Variants in SARDH observed in about 807,000 individuals in gnomAD.
SARDH encodes sarcosine dehydrogenase, also known as sarcosine dehydrogenase, mitochondrial.
SARDH carries 95 observed loss-of-function variants against 109.1 expected under a neutral mutation model. The ratio of observed to expected loss-of-function variants is 0.87; its 90% CI spans 0.74 to 1.03. The LOEUF (loss-of-function observed/expected upper bound fraction) is 1.03, where lower values mean the gene tolerates loss of function less well. Among genes scored for constraint, SARDH ranks in the 50% least tolerant of loss-of-function variants. SARDH has a pLI of 0.00. For synonymous variants in SARDH, 572 were observed against 534.8 expected (o/e 1.07, Z -0.96); for missense variants, 1,267 against 1,287.8 (o/e 0.98, Z 0.25).
chr9:133,703,078 G>C, intron 12 of SARDH, 49 bp from the exon 13 acceptor site: 1 of 1,509,808 alleles, frequency 6.6e-7, no homozygotes, highest in Non-Finnish European at 9.1e-7. Flanking sequence ...GCCCCTCCCC[G>C]CTTCCCTCCC....
At position 133,675,382 on chromosome 9, in the gene SARDH, C is replaced by T. The variant is rs9409881; in HGVS notation, c.2164-3685G>A. 4.0e-3 allele frequency among the ~76,000 whole-genome samples: 601 copies of T among 151,724 alleles called. 2 individuals carry two copies. Among genetic ancestry groups the T allele is most frequent in the Middle Eastern group, 6.8e-3 (2 of 292 alleles). On this transcript the variant is annotated intron_variant, in intron 17 of 20. Coordinates refer to ENST00000439388, the MANE Select transcript of SARDH (RefSeq NM_001134707.2). The stretch of plus-strand genomic sequence containing the variant: ...AAAAAAATAGGCAAGGGACTTGAAT[C>T]GACAATTCTCAAAAGCAAATGCAAA...
rs746618437 is a variant in SARDH, at chr9:133,685,219, T to A, written c.2137A>T (p.Lys713Ter). 6.2e-7 allele frequency: 1 copy of A among 1,613,836 alleles called. No individual in the cohort carries two copies. Among genetic ancestry groups the A allele is most frequent in the East Asian group, 2.2e-5 (1 of 44,862 alleles). ...AGGTGCCCTGCGGCTCTCAGTAGCT[T>A]GTGGGTGGAGAACGGGAAGGCCTCG... ...SNEAFPFSTHKLLRAAGHLVR... is the reference protein window; with the variant it reads ...SNEAFPFSTH Residue 713 changes from lysine to a stop codon, truncating the protein, a stop_gained, in exon 17 of 21, where the codon AAG (lysine) becomes TAG (stop). Transcript: ENST00000439388. LOFTEE classifies it high-confidence loss of function.
Position 133,694,369 on chromosome 9 carries a change from A to G in SARDH, c.1810T>C (p.Ser604Pro), listed in dbSNP as rs1831210453. Residue 604 changes from serine (S) to proline (P), a missense_variant and splice_region_variant, in exon 15 of 21, where the codon TCC (serine) becomes CCC (proline). Transcript: ENST00000439388. ...TTGAGCATGCACGTGTACACGGTGG[A>G]GCCTGCGAGAGGGAGAAGGAAGCCG... The part of the protein sequence containing the change: ...FSADVSRPPG[S>P]TVYTCMLNHR... The G allele has an allele frequency of 6.5e-7, 1 of 1,550,054 alleles. No individual in the cohort carries two copies. The highest frequency in any genetic ancestry group is 8.7e-7 in the Non-Finnish European group (1 of 1,146,446).
intron 17 of SARDH, among the ~76,000 whole-genome samples, chr9:133,678,078 C>T (rs185637226): frequency 8.7e-4 from 132 of 152,318 alleles, no homozygotes; most frequent in Non-Finnish European, 1.7e-3. Flanking sequence ...CCATTGGTCC[C>T]CAAGGATGAG....
chr9:133,676,046 G>A (rs185549988), intron 17 of SARDH, among the ~76,000 whole-genome samples: 60 of 151,924 alleles, frequency 3.9e-4, no homozygotes, highest in Non-Finnish European at 7.5e-4. Context: ...AGCTGAGATC[G>A]CACCGCTGCA....
intron 19 of SARDH, among the ~76,000 whole-genome samples, chr9:133,668,398 T>A (rs1359469888): frequency 3.2e-4 from 14 of 43,288 alleles, no homozygotes; most frequent in Admixed American, 3.2e-3. Flanking sequence ...CCTCTCCCTC[T>A]CCCTTCACCC....
At chr9:133,725,081 C>A (rs1037281455) in intron 6 of SARDH, among the ~76,000 whole-genome samples, 1 of 152,078 alleles carries the variant, frequency 6.6e-6, no homozygotes, top group Non-Finnish European at 1.5e-5. Context: ...AATACTGATA[C>A]ATGTACTACA....
chr9:133,667,674 A>T (rs1299384524), intron 19 of SARDH, among the ~76,000 whole-genome samples: 1 of 152,056 alleles, frequency 6.6e-6, no homozygotes, highest in Non-Finnish European at 1.5e-5. Context: ...GCAATGGGTT[A>T]TCACGGCGGC....
chr9:133,670,673 C>T lies in SARDH; in HGVS notation c.2406G>A (p.Lys802=), dbSNP rs747606989. ...EAGLAFTCKL[K]SPVPFLGREA... ...CCCTCCCCAGGAAGGGCACCGGCGA[C>T]TTGAGCTTGCAGGTGAAGGCCAGGC... is the stretch of plus-strand genomic sequence containing the variant. Residue 802 remains lysine (K), a synonymous_variant, in exon 19 of 21, where the codon AAG becomes AAA. Transcript: ENST00000439388. 2 of 1,606,592 alleles carry T rather than the reference C, an allele frequency of 1.2e-6. No homozygotes were observed. The highest frequency in any genetic ancestry group is 2.2e-5 in the South Asian group (2 of 89,684).
intron 8 of SARDH, 102 bp from the exon 9 acceptor site, chr9:133,713,226 C>T: frequency 3.1e-6 from 3 of 963,796 alleles, no homozygotes; most frequent in Non-Finnish European, 1.6e-6. Flanking sequence ...CTGCAGGGGC[C>T]CCTCCACCCA....
intron 2 of SARDH, 141 bp downstream of exon 2, chr9:133,733,702 G>T: frequency 1.3e-6 from 1 of 771,374 alleles, no homozygotes; most frequent in Non-Finnish European, 1.8e-6. Flanking sequence ...CCGCCCACCT[G>T]CAAACTGGCC....
rs1275391292 is a variant in SARDH at position 133,692,216 on chromosome 9, C to T, written c.1922-1689G>A. Among the ~76,000 whole-genome samples the T allele has an allele frequency of 6.6e-6, 1 of 152,130 alleles. No homozygotes were observed. The highest frequency in any genetic ancestry group is 1.5e-5 in the Non-Finnish European group (1 of 68,004). On this transcript the variant is annotated intron_variant, in intron 15 of 20. Coordinates refer to ENST00000439388, the MANE Select transcript of SARDH (RefSeq NM_001134707.2). The surrounding 1 kb of genome is among the most constrained non-coding windows in gnomAD (Gnocchi z 5.0). ...ATTCCACCAATGGGGGAAACTGAGG[C>T]TCGGGGGGGCAGGTCGCTGAGCCAG...
rs542620164 is a variant in SARDH, at chr9:133,730,317, C to T, written c.691-130G>A. Reference sequence around the variant, plus strand: ...ATTTCTGCCAGCAGCAGGTCCCCTGCGACACTGTCAGGGAAACCGGATGAC... The same window carrying T: ...ATTTCTGCCAGCAGCAGGTCCCCTGTGACACTGTCAGGGAAACCGGATGAC... On this transcript the variant is annotated intron_variant, in intron 4 of 20. Transcript: ENST00000439388. 2.8e-5 allele frequency: 34 copies of T among 1,235,044 alleles called. No homozygotes were observed. In the Middle Eastern group the frequency reaches 5.9e-4, roughly 21 times the overall value. 76.5% of individuals were successfully genotyped at this position (1,235,044 alleles called of 1,614,324 possible).
rs1042569324 is a variant in SARDH, at chr9:133,670,528, C to T, written c.2495+56G>A. On this transcript the variant is annotated intron_variant, in intron 19 of 20. Transcript: ENST00000439388. ...GAGTGGGGGACCAAGAAGCGCCTGC[C>T]TGCCCTGGCTGTAGGCAGTTGCTTC... 3.3e-6 allele frequency: 5 copies of T among 1,530,648 alleles called. No homozygotes were observed. The African/African-American group carries it at 6.9e-5, about 21-fold the overall frequency. The allele number at this position is 1,530,648 out of a possible 1,614,324, so 94.8% of individuals were successfully genotyped here. A position where few individuals can be genotyped will look rare whatever the true frequency, so the allele number is the denominator to read the frequency against.
Position 133,696,285 on chromosome 9 carries a change from A to C in SARDH, c.1745T>G (p.Val582Gly). ...DMSYFGKFYL[V>G]GLDARKAADW... ...GGCAGCCTTCCTTGCATCCAGCCCC[A>C]CCAGGTAGAACTTCCCGAAGTAGGA... The change falls in exon 14 of 21, where the codon GTG (valine) becomes GGG (glycine). Residue 582 changes from valine to glycine, a missense_variant. Physicochemically the swap from Val to Gly is moderately radical, Grantham distance 109 (BLOSUM62 -3). Coordinates refer to ENST00000439388, the MANE Select transcript of SARDH (RefSeq NM_001134707.2). 6.2e-7 allele frequency: 1 copy of C among 1,614,144 alleles called. No homozygotes were observed. The highest frequency in any genetic ancestry group is 8.5e-7 in the Non-Finnish European group (1 of 1,180,018).
intron 5 of SARDH, 68 bp from the exon 6 acceptor site, chr9:133,729,933 A>G: frequency 6.3e-7 from 1 of 1,596,110 alleles, no homozygotes; most frequent in Non-Finnish European, 8.6e-7. Context: ...AGGTGTGCAC[A>G]GGCTGCCTCT....
In SARDH at chr9:133,704,874, C is replaced by G. The variant is rs1195368985; in HGVS notation, c.1554+74G>C. 25 of 1,308,890 alleles carry G rather than the reference C, an allele frequency of 1.9e-5. No individual in the cohort carries two copies. In the South Asian group the frequency reaches 3.2e-4, roughly 17 times the overall value. 81.1% of individuals were successfully genotyped at this position (1,308,890 alleles called of 1,614,324 possible). A position where few individuals can be genotyped will look rare whatever the true frequency, so the allele number is the denominator to read the frequency against. ...GGCGGGGCACACGGAGGGGCAAGGA[C>G]GGGGCACGTGGAGGGGCAAGGGGGT... On this transcript the variant is annotated intron_variant, in intron 12 of 20. Coordinates refer to ENST00000439388, the MANE Select transcript of SARDH (RefSeq NM_001134707.2). The surrounding 1 kb of genome is among the most constrained non-coding windows in gnomAD (Gnocchi z 4.5).
rs751575229 is a variant in SARDH, at chr9:133,702,917, G to A, written c.1667C>T (p.Thr556Met). 1 of 1,611,350 alleles carries A rather than the reference G, an allele frequency of 6.2e-7. No individual in the cohort carries two copies. The highest frequency in any genetic ancestry group is 8.5e-7 in the Non-Finnish European group (1 of 1,179,678). Residue 556 changes from threonine to methionine, a missense_variant and splice_region_variant, in exon 13 of 21, where the codon ACG (threonine) becomes ATG (methionine). By Grantham distance (81) the Thr-to-Met change is moderately conservative. Transcript: ENST00000439388. ...CCACGGTGGACCCCAGCTACGCACC[G>A]TGTCGTGGTGGGGCGGGAAGGCGAA... ...YTFAFPPHHD[T>M]IKKECLACRG...
intron 17 of SARDH, among the ~76,000 whole-genome samples, chr9:133,674,803 GA>G (rs1400278594): frequency 1.3e-5 from 2 of 152,204 alleles, no homozygotes; most frequent in African/African-American, 4.8e-5. Context: ...AAGGCATGGG[GA>G]GTTGGAAATG....
Sources: gnomAD v4.1 joint callset for allele counts (sites outside exome capture counted in the v4.1 genomes callset) on GRCh38, gnomAD v4.1.1 for gene constraint, Gnocchi (gnomAD v3.1) non-coding constraint, MANE v1.5 for transcripts, NCBI Gene and HGNC (gene_info 2026-07-23, HGNC 2026-07-21) for gene names.